The following UNC80 variants were observed in gnomAD, a reference collection of about 807,000 sequenced individuals.
UNC80 encodes unc-80 subunit of NALCN channel complex, also known as protein unc-80 homolog.
UNC80 carries 164 observed loss-of-function variants against 384.6 expected under a neutral mutation model. That is an observed-to-expected ratio of 0.43 (90% confidence interval 0.38 to 0.49). The LOEUF is 0.49. Ranked by LOEUF, UNC80 falls within the 20% of genes least tolerant of loss-of-function variation. UNC80 has a pLI of 0.00. For synonymous variants in UNC80, 1,486 were observed against 1,527.8 expected (o/e 0.97, Z 0.64); for missense variants, 3,330 against 4,143.0 (o/e 0.80, Z 5.39).
Position 209,872,616 on chromosome 2 carries a change from A to G in UNC80, c.3628-142A>G. 1 of 781,780 alleles carries G rather than the reference A, an allele frequency of 1.3e-6. No homozygotes were observed. Among genetic ancestry groups the G allele is most frequent in the South Asian group, 1.8e-5 (1 of 56,472 alleles). The allele number at this position is 781,780 out of a possible 1,614,324, so 48.4% of individuals were successfully genotyped here. On this transcript the variant is annotated intron_variant, in intron 22 of 64. Transcript: ENST00000673920. The surrounding 1 kb of genome is among the most constrained non-coding windows in gnomAD (Gnocchi z 4.1). ...TCACTACTGTGTTGGCCATACTGAC[A>G]CCACCCTGGGAAATATGGCCAATAT...
chr2:209,976,000 A>G lies in UNC80; in HGVS notation c.8588-119A>G, dbSNP rs532248516. ...GAATACATACGAAGTTTTTAGAAACATGGAGAGAGCTTAGAAATTTAGAAA... is the reference window on the plus strand; with the variant it reads ...GAATACATACGAAGTTTTTAGAAACGTGGAGAGAGCTTAGAAATTTAGAAA... On this transcript the variant is annotated intron_variant, in intron 56 of 64. Transcript: ENST00000673920. 7.5e-5 allele frequency: 84 copies of G among 1,120,192 alleles called. No individual in the cohort carries two copies. The South Asian group carries it at 1.4e-3, about 18-fold the overall frequency. 69.4% of individuals were successfully genotyped at this position (1,120,192 alleles called of 1,614,324 possible).
At chr2:209,852,917 T>C (rs1239381961) in intron 22 of UNC80, among the ~76,000 whole-genome samples, 1 of 152,076 alleles carries the variant, frequency 6.6e-6, no homozygotes, top group Non-Finnish European at 1.5e-5. Context: ...TTTAGATATA[T>C]GTATATAATA....
intron 18 of UNC80, among the ~76,000 whole-genome samples, chr2:209,838,614 G>A (rs1301336805): frequency 2.0e-5 from 3 of 152,054 alleles, no homozygotes; most frequent in South Asian, 2.1e-4. Flanking sequence ...ATACTGGGGT[G>A]ATGCGTGGGG....
At chr2:209,941,564 T>C (rs1361790966) in intron 44 of UNC80, 75 bp downstream of exon 44, 225 of 1,338,518 alleles carry the variant, frequency 1.7e-4, no homozygotes, top group Non-Finnish European at 2.1e-4. Context: ...ACTAGATCTA[T>C]ACTGAAACTT....
At position 209,825,941 on chromosome 2, in the gene UNC80, C is replaced by T; in HGVS notation, c.2366C>T (p.Ala789Val). The stretch of plus-strand genomic sequence containing the variant: ...ACACCTGTAAGCAACCATAGGCTTG[C>T]TCTAACAATGCTCATCAAAATAGTG... Reference protein sequence around the residue: ...ESTPVSNHRLALTMLIKIVKS... With the variant: ...ESTPVSNHRLVLTMLIKIVKS... The change falls in exon 14 of 65, where the codon GCT (alanine) becomes GTT (valine). Residue 789 changes from alanine (A) to valine (V), a missense_variant. Ala to Val is a moderately conservative substitution (Grantham distance 64). Transcript: ENST00000673920. 1 of 1,550,580 alleles carries T rather than the reference C, an allele frequency of 6.4e-7. No individual in the cohort carries two copies. Among genetic ancestry groups the T allele is most frequent in the Non-Finnish European group, 8.7e-7 (1 of 1,146,358 alleles).
chr2:209,915,646 A>G (rs951003561), intron 31 of UNC80, among the ~76,000 whole-genome samples: 1 of 152,172 alleles, frequency 6.6e-6, no homozygotes, highest in Non-Finnish European at 1.5e-5. Context: ...CCATACAGCA[A>G]TGTTGTATAC....
chr2:209,990,110 T>G (rs761360651), intron 61 of UNC80, among the ~76,000 whole-genome samples: 26 of 152,158 alleles, frequency 1.7e-4, no homozygotes, highest in Non-Finnish European at 3.4e-4. Flanking sequence ...AGAGAAAATT[T>G]CGATGCTTAT....
In UNC80 at chr2:209,777,567, G is replaced by A; in HGVS notation, c.600+8G>A. ...CTGGTACACAGGATCAAGGTAAGCA[G>A]AAACCCAGTGTTAGAGCTGGAGTGG... On this transcript the variant is annotated splice_region_variant and intron_variant, in intron 4 of 64. Coordinates refer to ENST00000673920, the MANE Select transcript of UNC80 (RefSeq NM_001371986.1). The A allele has an allele frequency of 6.3e-7, 1 of 1,596,764 alleles. No individual in the cohort carries two copies. Among genetic ancestry groups the A allele is most frequent in the Non-Finnish European group, 8.5e-7 (1 of 1,171,150 alleles).
chr2:209,997,278 A>G lies in UNC80; in HGVS notation c.*1683A>G, dbSNP rs2093497287. ...CTTTTACTCTTTTATGTTTTACAATATTATCATGTTATTTACAGTTAATGC... is the reference window on the plus strand; with the variant it reads ...CTTTTACTCTTTTATGTTTTACAATGTTATCATGTTATTTACAGTTAATGC... On this transcript the variant is annotated 3_prime_UTR_variant, in exon 65 of 65. Coordinates refer to ENST00000673920, the MANE Select transcript of UNC80 (RefSeq NM_001371986.1). The G allele has an allele frequency of 6.6e-6, 1 of 152,156 alleles. No individual in the cohort carries two copies. The highest frequency in any genetic ancestry group is 2.4e-5 in the African/African-American group (1 of 41,442). The allele number at this position is 152,156 out of a possible 1,614,324, so 9.4% of individuals were successfully genotyped here. A position where few individuals can be genotyped will look rare whatever the true frequency, so the allele number is the denominator to read the frequency against.
intron 37 of UNC80, 60 bp downstream of exon 37, chr2:209,930,031 T>A (rs2090726637): frequency 2.3e-5 from 28 of 1,222,540 alleles, no homozygotes; most frequent in Non-Finnish European, 3.1e-5. Context: ...ACTGTTAAAA[T>A]CATGCAAAGA....
Position 209,829,287 on chromosome 2 carries a change from C to A in UNC80, c.2534C>A (p.Thr845Asn), listed in dbSNP as rs372195299. The A allele has an allele frequency of 2.6e-6, 4 of 1,551,282 alleles. No homozygotes were observed. The East Asian group carries it at 9.8e-5, about 38-fold the overall frequency. The change falls in exon 15 of 65, where the codon ACC becomes AAC. Residue 845 changes from threonine to asparagine, a missense_variant. Around this residue, in one of 8 missense-constraint regions of UNC80, gnomAD observed 937 missense variants for 1,026.8 expected, o/e 0.91. Coordinates refer to ENST00000673920, the MANE Select transcript of UNC80 (RefSeq NM_001371986.1). ...YKLDKMQFRQTMRDYVNKDSL... is the reference protein window; with the variant it reads ...YKLDKMQFRQNMRDYVNKDSL... Reference sequence around the variant, plus strand: ...CTAGATAAGATGCAGTTCCGACAAACCATGAGGGACTATGTGAACAAGGAC... The same window carrying A: ...CTAGATAAGATGCAGTTCCGACAAAACATGAGGGACTATGTGAACAAGGAC...
intron 32 of UNC80, among the ~76,000 whole-genome samples, 190 bp downstream of exon 32, chr2:209,918,148 G>C (rs145823503): frequency 0.016 from 2,398 of 152,274 alleles, 67 homozygotes; most frequent in African/African-American, 0.054. Context: ...AGAATATAGA[G>C]TAAGAAAATC....
At chr2:209,885,836 A>G (rs1574887853) in intron 25 of UNC80, among the ~76,000 whole-genome samples, 3 of 151,190 alleles carry the variant, frequency 2.0e-5, no homozygotes, top group Non-Finnish European at 2.9e-5. Flanking sequence ...GCTCACTGCA[A>G]CCTCCACCTT....
intron 45 of UNC80, 57 bp from the exon 46 acceptor site, chr2:209,944,994 A>C: frequency 6.5e-7 from 1 of 1,527,802 alleles, no homozygotes; most frequent in East Asian, 2.5e-5. Context: ...AATTCCTGTC[A>C]AGTTATAGTT....
At chr2:209,786,980 CATATATATATATATATATATAT>C (rs60467878) in intron 5 of UNC80, among the ~76,000 whole-genome samples, 4 of 135,844 alleles carry the variant, frequency 2.9e-5, no homozygotes, top group African/African-American at 8.5e-5. Context: ...TCTACAGAAG[CATATATATATATATATATATAT>C]ATATATATAT....
chr2:209,901,182 T>A (rs1449972099), intron 28 of UNC80, among the ~76,000 whole-genome samples: 1 of 152,198 alleles, frequency 6.6e-6, no homozygotes, highest in Non-Finnish European at 1.5e-5. Context: ...CATCTGGGAC[T>A]TTCGTAGCTA....
At chr2:209,793,692 C>G in intron 6 of UNC80, 28 bp from the exon 7 acceptor site, 1 of 1,608,246 alleles carries the variant, frequency 6.2e-7, no homozygotes, top group Non-Finnish European at 8.5e-7. Context: ...AAAAACAAAA[C>G]CTAATCTGCT....
In UNC80 at chr2:209,978,108, C is replaced by T. The variant is rs74491306; in HGVS notation, c.8939-421C>T. 3.7e-4 allele frequency among the ~76,000 whole-genome samples: 56 copies of T among 152,216 alleles called. No individual in the cohort carries two copies. In the East Asian group the frequency reaches 5.8e-3, roughly 16 times the overall value. The stretch of plus-strand genomic sequence containing the variant: ...AATAAGAACAGTTTTGATTATGCAT[C>T]GCGGGGTTCACATCAGACAACTTAT... On this transcript the variant is annotated intron_variant, in intron 58 of 64. Transcript: ENST00000673920.
At chr2:209,932,826 T>C (rs904978905) in intron 38 of UNC80, among the ~76,000 whole-genome samples, 3 of 152,170 alleles carry the variant, frequency 2.0e-5, no homozygotes, top group African/African-American at 7.2e-5. Context: ...TAAGAAATCA[T>C]CTTTTCTGAT....
Sources: allele counts gnomAD v4.1 joint callset (sites outside exome capture counted in the v4.1 genomes callset), GRCh38; gene constraint gnomAD v4.1.1; regional missense constraint gnomAD v4.1.1; non-coding constraint Gnocchi (gnomAD v3.1); transcripts MANE v1.5; gene names NCBI Gene and HGNC (gene_info 2026-07-23, HGNC 2026-07-21).